Variants in MYO6 observed in about 807,000 individuals in gnomAD.
MYO6 encodes myosin VI, also known as unconventional myosin-VI.
Under a neutral mutation model 178.7 loss-of-function variants are expected in MYO6, and 74 were observed. The observed-to-expected ratio is 0.41, with a 90% confidence interval of 0.34 to 0.50. MYO6 has a LOEUF of 0.50. Ranked by LOEUF, MYO6 falls within the 20% of genes least tolerant of loss-of-function variation. MYO6 has a pLI of 0.09. For missense variants in MYO6, 1,330 were observed against 1,547.4 expected, an observed-to-expected ratio of 0.86 and a Z score of 2.36; for synonymous variants, 477 against 504.6, an observed-to-expected ratio of 0.95 and a Z score of 0.73.
intron 1 of MYO6, among the ~76,000 whole-genome samples, chr6:75,784,839 A>C (rs1313465347): frequency 6.7e-5 from 10 of 150,322 alleles, no homozygotes; most frequent in African/African-American, 2.4e-4. Context: ...TCAGCTGAAG[A>C]TTGCGGGGTG....
rs1259894372 is a variant in MYO6, at chr6:75,832,842, C to T, written c.392C>T (p.Ala131Val). ...GTRPPHVFAI[A>V]DKAFRDMKVL... ...CATTAATGTCTTATTTTGACCCTAG[C>T]TGATAAAGCTTTTCGAGACATGAAG... Residue 131 changes from alanine to valine, a missense_variant and splice_region_variant, in exon 6 of 35, where the codon GCT (alanine) becomes GTT (valine). Transcript: ENST00000369977. 6.2e-6 allele frequency: 10 copies of T among 1,600,442 alleles called. No individual in the cohort carries two copies. Among genetic ancestry groups the T allele is most frequent in the Non-Finnish European group, 7.7e-6 (9 of 1,167,608 alleles).
intron 18 of MYO6, chr6:75,867,492 G>A (rs893563819): frequency 5.8e-6 from 1 of 172,622 alleles, no homozygotes; most frequent in African/African-American, 2.4e-5. Flanking sequence ...GTTGAGTTGA[G>A]AGAGGAAAGC....
At chr6:75,884,606 G>T (rs1778285754) in intron 23 of MYO6, among the ~76,000 whole-genome samples, 1 of 152,192 alleles carries the variant, frequency 6.6e-6, no homozygotes, top group Admixed American at 6.5e-5. Context: ...GGACACTGGA[G>T]TTTTATGATT....
chr6:75,853,036 G>A (rs1183432833), intron 11 of MYO6, among the ~76,000 whole-genome samples: 3 of 152,124 alleles, frequency 2.0e-5, no homozygotes, highest in African/African-American at 7.2e-5. Context: ...AATCGTACAG[G>A]GTGTGACGTG....
rs189731875 is a variant in MYO6 at position 75,768,569 on chromosome 6, A to T, written c.-48+19146A>T. Among the ~76,000 whole-genome samples the T allele has an allele frequency of 2.8e-3, 431 of 151,774 alleles. 4 individuals are homozygous for T. Among genetic ancestry groups the T allele is most frequent in the African/African-American group, 9.9e-3 (410 of 41,408 alleles). On this transcript the variant is annotated intron_variant, in intron 1 of 34. Coordinates refer to ENST00000369977, the MANE Select transcript of MYO6 (RefSeq NM_004999.4). The stretch of plus-strand genomic sequence containing the variant: ...CTAATTTTTTGTATTTTTAGTAGAG[A>T]TGGGGTTTCACCATGTTGGCCAGGT...
At chr6:75,803,309 A>G (rs1045800700) in intron 1 of MYO6, among the ~76,000 whole-genome samples, 8 of 152,094 alleles carry the variant, frequency 5.3e-5, no homozygotes, top group East Asian at 1.9e-4. Context: ...TAGCACATCA[A>G]TCTTAACTAT....
At chr6:75,771,570 A>G (rs1765899918) in intron 1 of MYO6, among the ~76,000 whole-genome samples, 3 of 152,176 alleles carry the variant, frequency 2.0e-5, no homozygotes, top group Admixed American at 2.0e-4. Flanking sequence ...ACAATTAAGA[A>G]TCCTCCCAAA....
chr6:75,838,854 G>A (rs1773919276), intron 7 of MYO6, among the ~76,000 whole-genome samples: 2 of 151,768 alleles, frequency 1.3e-5, no homozygotes, highest in African/African-American at 4.8e-5. Flanking sequence ...TAGAGACGGG[G>A]TTTCACCATG....
intron 1 of MYO6, among the ~76,000 whole-genome samples, chr6:75,785,455 T>A (rs1767440556): frequency 2.7e-5 from 4 of 148,510 alleles, no homozygotes; most frequent in Admixed American, 2.7e-4. Context: ...TTTGTTTTGT[T>A]TTTTGGTCTT....
intron 19 of MYO6, among the ~76,000 whole-genome samples, chr6:75,872,606 G>A (rs893185093): frequency 6.6e-6 from 1 of 152,246 alleles, no homozygotes; most frequent in Middle Eastern, 3.4e-3. Flanking sequence ...AGCCTGCAAA[G>A]TGTGTTGTTT....
chr6:75,875,488 A>C lies in MYO6; in HGVS notation c.2077+2188A>C, dbSNP rs1777503598. On this transcript the variant is annotated intron_variant, in intron 20 of 34. Coordinates refer to ENST00000369977, the MANE Select transcript of MYO6 (RefSeq NM_004999.4). The stretch of plus-strand genomic sequence containing the variant: ...CAGACAGGATCTCACTGTGTTGCTC[A>C]TGCTGGTCTCCTGGTCTCAAACTCC... 2.6e-5 allele frequency among the ~76,000 whole-genome samples: 4 copies of C among 152,166 alleles called. No homozygotes were observed. The South Asian group carries it at 6.2e-4, about 24-fold the overall frequency.
intron 30 of MYO6, among the ~76,000 whole-genome samples, chr6:75,904,186 G>A (rs1412053066): frequency 6.7e-6 from 1 of 149,564 alleles, no homozygotes; most frequent in Non-Finnish European, 1.5e-5. Context: ...CAACTTTGGT[G>A]AATCTGACAA....
intron 1 of MYO6, among the ~76,000 whole-genome samples, chr6:75,798,604 A>C (rs1225033352): frequency 6.6e-6 from 1 of 152,234 alleles, no homozygotes; most frequent in East Asian, 1.9e-4. Flanking sequence ...CAGACTAGGC[A>C]TCAAAGGAAC....
chr6:75,902,309 C>G (rs1779858932), intron 30 of MYO6, among the ~76,000 whole-genome samples: 1 of 152,100 alleles, frequency 6.6e-6, no homozygotes, highest in Non-Finnish European at 1.5e-5. Flanking sequence ...GGTACCAGTT[C>G]CTCCTTGTAC....
intron 23 of MYO6, among the ~76,000 whole-genome samples, chr6:75,885,061 T>C (rs779110217): frequency 4.6e-5 from 7 of 152,204 alleles, no homozygotes; most frequent in South Asian, 2.1e-4. Flanking sequence ...CTAAGTTCTT[T>C]CCCAAGATTA....
chr6:75,764,297 C>T (rs1299403690), intron 1 of MYO6, among the ~76,000 whole-genome samples: 1 of 152,172 alleles, frequency 6.6e-6, no homozygotes, highest in Non-Finnish European at 1.5e-5. Flanking sequence ...CTGTGCCATT[C>T]TCCTTCGCTC....
chr6:75,906,433 T>G (rs1002130455), intron 30 of MYO6, among the ~76,000 whole-genome samples: 8 of 152,164 alleles, frequency 5.3e-5, no homozygotes, highest in South Asian at 2.1e-4. Context: ...CCCAGCACTT[T>G]GGGAGGCTGA....
At chr6:75,913,537 A>G (rs1780921763) in intron 33 of MYO6, among the ~76,000 whole-genome samples, 2 of 152,160 alleles carry the variant, frequency 1.3e-5, no homozygotes, top group South Asian at 4.1e-4. Context: ...AAATCCTAAA[A>G]TTTGTTGGCA....
In MYO6 at chr6:75,828,729, T is replaced by C. The variant is rs1015079413; in HGVS notation, c.261+116T>C. The C allele has an allele frequency of 9.3e-6, 7 of 756,386 alleles. No individual in the cohort carries two copies. In the Admixed American group the frequency reaches 9.9e-5, roughly 11 times the overall value. 46.9% of individuals were successfully genotyped at this position (756,386 alleles called of 1,614,324 possible). On this transcript the variant is annotated intron_variant, in intron 4 of 34. Coordinates refer to ENST00000369977, the MANE Select transcript of MYO6 (RefSeq NM_004999.4). ...GAAAATCATGCTTGATCTGAGCCTC[T>C]TGAATAGAGTGTGAGGTTAGTGAGG...
Sources: allele counts gnomAD v4.1 joint callset (sites outside exome capture counted in the v4.1 genomes callset), GRCh38; gene constraint gnomAD v4.1.1; transcripts MANE v1.5; gene names NCBI Gene and HGNC (gene_info 2026-07-23, HGNC 2026-07-21).